KLRF1: variants seen among roughly 807,000 people sequenced by gnomAD.
KLRF1 encodes killer cell lectin-like receptor subfamily F member 1.
Under a neutral mutation model 30.7 loss-of-function variants are expected in KLRF1, and 27 were observed. The observed-to-expected ratio is 0.88, with a 90% confidence interval of 0.65 to 1.21. KLRF1 has a LOEUF of 1.21. Among genes scored for constraint, KLRF1 ranks in the 50% most tolerant of loss-of-function variants. The pLI, the probability that KLRF1 is intolerant of heterozygous loss-of-function variation, is 0.00. For synonymous variants in KLRF1, 92 were observed against 89.3 expected (o/e 1.03, Z -0.17); for missense variants, 246 against 259.3 (o/e 0.95, Z 0.35).
At chr12:9,807,008 A>AT in the KLRF1 span, among the ~76,000 whole-genome samples, 1 of 151,636 alleles carries the variant, frequency 6.6e-6, no homozygotes, top group East Asian at 1.9e-4. Context: ...TATTTACTTA[A>AT]TTTTTTTTGG....
At chr12:9,842,020 A>G (rs1867714426) in intron 4 of KLRF1, 69 bp downstream of exon 4, 1 of 1,451,278 alleles carries the variant, frequency 6.9e-7, no homozygotes, top group African/African-American at 1.4e-5. Context: ...ATATCTTTCC[A>G]TCTTTGCATT....
chr12:9,803,427 GA>G, the KLRF1 span, among the ~76,000 whole-genome samples: 2 of 151,932 alleles, frequency 1.3e-5, no homozygotes, highest in African/African-American at 4.8e-5. Context: ...TCTTTAGTTT[GA>G]AAAAAGTTCA....
intron 3 of KLRF1, among the ~76,000 whole-genome samples, chr12:9,835,684 C>G (rs1160785823): frequency 6.6e-6 from 1 of 151,964 alleles, no homozygotes; most frequent in Non-Finnish European, 1.5e-5. Flanking sequence ...CATAGCTGGA[C>G]TTTGGAGATG....
chr12:9,814,326 T>G, the KLRF1 span, among the ~76,000 whole-genome samples: 1 of 152,158 alleles, frequency 6.6e-6, no homozygotes, highest in Non-Finnish European at 1.5e-5. Flanking sequence ...CTCCACCCAC[T>G]GCCATCTCCA....
In KLRF1 at chr12:9,834,599, G is replaced by C. The variant is rs201832090; in HGVS notation, c.334+1147G>C. 5.3e-5 allele frequency among the ~76,000 whole-genome samples: 8 copies of C among 152,124 alleles called. No individual in the cohort carries two copies. In the East Asian group the frequency reaches 1.5e-3, roughly 29 times the overall value. ...TGTATAGAATGATTGGTGATGGCCTGGATACGGTTTTGGATGAATTGAGAA... is the reference window on the plus strand; with the variant it reads ...TGTATAGAATGATTGGTGATGGCCTCGATACGGTTTTGGATGAATTGAGAA... On this transcript the variant is annotated intron_variant, in intron 3 of 5. Transcript: ENST00000617889.
At chr12:9,804,458 G>T in the KLRF1 span, among the ~76,000 whole-genome samples, 4 of 151,820 alleles carry the variant, frequency 2.6e-5, no homozygotes, top group African/African-American at 9.7e-5. Context: ...CAATTTATCT[G>T]TTTTTTCTTT....
the KLRF1 span, among the ~76,000 whole-genome samples, chr12:9,801,716 T>C: frequency 6.6e-6 from 1 of 152,136 alleles, no homozygotes; most frequent in Non-Finnish European, 1.5e-5. Flanking sequence ...TCTTGTAAAT[T>C]TGTTTAAGTT....
the KLRF1 span, among the ~76,000 whole-genome samples, chr12:9,802,811 A>G: frequency 6.6e-6 from 1 of 152,122 alleles, no homozygotes; most frequent in Non-Finnish European, 1.5e-5. Context: ...GAAATAAGAG[A>G]GGACACAAAC....
At chr12:9,836,473 G>A (rs1347277032) in intron 3 of KLRF1, among the ~76,000 whole-genome samples, 1 of 151,762 alleles carries the variant, frequency 6.6e-6, no homozygotes, top group East Asian at 1.9e-4. Context: ...TGCTGGCAGG[G>A]GACCCTCCAA....
At chr12:9,803,570 C>T in the KLRF1 span, among the ~76,000 whole-genome samples, 4 of 151,916 alleles carry the variant, frequency 2.6e-5, no homozygotes, top group Non-Finnish European at 4.4e-5. Flanking sequence ...TACATTTTTT[C>T]ATAAAATTTA....
the KLRF1 span, among the ~76,000 whole-genome samples, chr12:9,801,974 G>A: frequency 1.3e-5 from 2 of 151,754 alleles, no homozygotes; most frequent in African/African-American, 4.8e-5. Flanking sequence ...GGATTTTTAT[G>A]GTTTGTGTTT....
chr12:9,822,590 A>G (rs1393673521), upstream of KLRF1, among the ~76,000 whole-genome samples: 1 of 152,238 alleles, frequency 6.6e-6, no homozygotes, highest in African/African-American at 2.4e-5. Flanking sequence ...AACTAACAAT[A>G]CAATGACAGG....
intron 5 of KLRF1, among the ~76,000 whole-genome samples, chr12:9,843,482 A>G (rs1384850375): frequency 6.6e-6 from 1 of 152,186 alleles, no homozygotes; most frequent in East Asian, 1.9e-4. Flanking sequence ...TAAATATTAC[A>G]TATTTTCTAT....
At chr12:9,803,148 A>G in the KLRF1 span, among the ~76,000 whole-genome samples, 1 of 152,164 alleles carries the variant, frequency 6.6e-6, no homozygotes, top group African/African-American at 2.4e-5. Flanking sequence ...GACCTTGGAA[A>G]TAACATCACA....
the KLRF1 span, among the ~76,000 whole-genome samples, chr12:9,811,335 A>AAAAAAAG: frequency 0.042 from 6,081 of 144,634 alleles, 301 homozygotes; most frequent in South Asian, 0.13. Context: ...AAAAAAAAAA[A>AAAAAAAG]AGAGAGAAAA....
chr12:9,803,114 C>T, the KLRF1 span, among the ~76,000 whole-genome samples: 8,206 of 152,060 alleles, frequency 0.054, 491 homozygotes, highest in African/African-American at 0.15. Context: ...AAAGCAGACA[C>T]ATAGACCAAT....
At chr12:9,818,947 A>G in the KLRF1 span, among the ~76,000 whole-genome samples, 1 of 152,196 alleles carries the variant, frequency 6.6e-6, no homozygotes, top group East Asian at 1.9e-4. Context: ...AAAACAACTC[A>G]ATCCGTGGAG....
At chr12:9,823,424 C>T (rs1185668705), upstream of KLRF1, among the ~76,000 whole-genome samples, 1 of 152,064 alleles carries the variant, frequency 6.6e-6, no homozygotes, top group East Asian at 1.9e-4. Context: ...GACATCGAAA[C>T]ATTCTTTGAA....
the KLRF1 span, among the ~76,000 whole-genome samples, chr12:9,805,879 C>G: frequency 1.3e-5 from 2 of 151,718 alleles, no homozygotes; most frequent in Admixed American, 1.3e-4. Flanking sequence ...TTATGTTCCC[C>G]TCTTTCATTC....
Sources: allele counts gnomAD v4.1 joint callset (sites outside exome capture counted in the v4.1 genomes callset), GRCh38; gene constraint gnomAD v4.1.1; transcripts MANE v1.5; gene names NCBI Gene and HGNC (gene_info 2026-07-23, HGNC 2026-07-21).